Variants in STIM1 observed in about 807,000 individuals in gnomAD.
STIM1 encodes the protein stromal interaction molecule 1.
STIM1 carries 25 observed loss-of-function variants against 74.7 expected under a neutral mutation model. The observed-to-expected ratio is 0.33, with a 90% CI of 0.24 to 0.47. The LOEUF is 0.47. Among genes scored for constraint, STIM1 ranks in the 20% least tolerant of loss-of-function variants. The probability of loss-of-function intolerance (pLI) is 1.00; values close to 1 mark genes in which losing one functional copy is unlikely to be tolerated. For synonymous variants in STIM1, 328 were observed against 348.8 expected (o/e 0.94, Z 0.66); for missense variants, 728 against 920.8 (o/e 0.79, Z 2.71).
rs183879785 is a variant in STIM1 at position 3,858,697 on chromosome 11, A to T, written c.139+2288A>T. 2.1e-4 allele frequency among the ~76,000 whole-genome samples: 32 copies of T among 152,316 alleles called. No individual in the cohort carries two copies. In the East Asian group the frequency reaches 3.5e-3, roughly 17 times the overall value. On this transcript the variant is annotated intron_variant, in intron 1 of 12. Coordinates refer to ENST00000526596, the MANE Select transcript of STIM1 (RefSeq NM_001382567.1). ...CCTCTCTGTATCCCCAGAACACAGG[A>T]GGAGCTTTACTTGCTCTTAAAACTA...
At chr11:3,958,686 A>G (rs1031547104) in intron 1 of STIM1, among the ~76,000 whole-genome samples, 33 of 151,922 alleles carry the variant, frequency 2.2e-4, no homozygotes, top group African/African-American at 8.0e-4. Context: ...TCACATTTCC[A>G]TAGTCAGGCG....
intron 1 of STIM1, among the ~76,000 whole-genome samples, chr11:3,941,585 A>ATTG (rs1554959550): frequency 7.2e-6 from 1 of 139,578 alleles, no homozygotes; most frequent in Admixed American, 7.3e-5. Flanking sequence ...AAGCATATAT[A>ATTG]TGTGTGTGTG....
intron 2 of STIM1, among the ~76,000 whole-genome samples, chr11:3,983,820 A>ACTG (rs1396512751): frequency 1.3e-5 from 2 of 151,528 alleles, no homozygotes; most frequent in South Asian, 2.1e-4. Flanking sequence ...GCCTGGAGCT[A>ACTG]CTGCTGCTGC....
chr11:3,918,569 G>C (rs1380020207), intron 1 of STIM1, among the ~76,000 whole-genome samples: 1 of 146,878 alleles, frequency 6.8e-6, no homozygotes, highest in African/African-American at 2.4e-5. Flanking sequence ...AAGAAAGAAA[G>C]ATACAACATA....
At chr11:3,873,228 C>T (rs572099980) in intron 1 of STIM1, among the ~76,000 whole-genome samples, 163 of 151,994 alleles carry the variant, frequency 1.1e-3, no homozygotes, top group African/African-American at 3.8e-3. Flanking sequence ...GCAGCCTGAC[C>T]AACATGGAGA....
At chr11:3,942,079 G>C (rs1371155304) in intron 1 of STIM1, among the ~76,000 whole-genome samples, 2 of 152,166 alleles carry the variant, frequency 1.3e-5, no homozygotes, top group Non-Finnish European at 2.9e-5. Context: ...GATCACTGAT[G>C]ACTGTAAAAG....
At chr11:3,999,202 A>T (rs1010602538) in intron 2 of STIM1, among the ~76,000 whole-genome samples, 3 of 152,184 alleles carry the variant, frequency 2.0e-5, no homozygotes, top group Non-Finnish European at 4.4e-5. Context: ...AGAAAAAATT[A>T]GCCCCTGTGC....
At chr11:3,947,001 G>GT (rs1174180998) in intron 1 of STIM1, among the ~76,000 whole-genome samples, 1 of 151,608 alleles carries the variant, frequency 6.6e-6, no homozygotes, top group Non-Finnish European at 1.5e-5. Context: ...CTTCTCTTTT[G>GT]GGGGGGTCTT....
At chr11:4,058,109 G>A (rs937028362) in intron 4 of STIM1, among the ~76,000 whole-genome samples, 1 of 152,148 alleles carries the variant, frequency 6.6e-6, no homozygotes, top group African/African-American at 2.4e-5. Flanking sequence ...ATTCTCATTA[G>A]TCAGACGAAC....
chr11:3,980,070 G>A (rs1334568846), intron 2 of STIM1, among the ~76,000 whole-genome samples: 3 of 152,054 alleles, frequency 2.0e-5, no homozygotes, highest in Admixed American at 6.6e-5. Flanking sequence ...CTTGCTTTGT[G>A]CCCTAATGAT....
intron 1 of STIM1, among the ~76,000 whole-genome samples, chr11:3,920,795 T>A (rs1023628707): frequency 6.6e-6 from 1 of 151,744 alleles, no homozygotes; most frequent in Non-Finnish European, 1.5e-5. Flanking sequence ...TTTTTTTTAT[T>A]TTTTTTAATT....
At chr11:4,055,460 C>A in intron 3 of STIM1, 66 bp from the exon 4 acceptor site, 2 of 1,235,074 alleles carry the variant, frequency 1.6e-6, no homozygotes, top group Non-Finnish European at 2.3e-6. Context: ...TTAAGGTCAG[C>A]ATGACAACAA....
At chr11:3,992,005 A>G (rs1437000468) in intron 2 of STIM1, among the ~76,000 whole-genome samples, 6 of 141,578 alleles carry the variant, frequency 4.2e-5, no homozygotes, top group Admixed American at 3.5e-4. Context: ...ACTGCTTTCC[A>G]CAGTGGCTGG....
chr11:4,044,599 A>G lies in STIM1; in HGVS notation c.386-10927A>G, dbSNP rs186985930. 1.8e-4 allele frequency among the ~76,000 whole-genome samples: 27 copies of G among 152,320 alleles called. No individual in the cohort carries two copies. The East Asian group carries it at 4.8e-3, about 27-fold the overall frequency. ...GACTCCAGGTGGACACCATGCTGCC[A>G]AACCCTACCTAGATAGGGCATCTGC... is the stretch of plus-strand genomic sequence containing the variant. On this transcript the variant is annotated intron_variant, in intron 3 of 12. Transcript: ENST00000526596.
intron 3 of STIM1, chr11:4,049,447 C>T (rs529686106): frequency 6.6e-6 from 1 of 151,918 alleles, no homozygotes; most frequent in East Asian, 1.9e-4. Context: ...ACCTCAGCCT[C>T]CTGAGTAGCT....
At chr11:3,914,237 T>G (rs1431353366) in intron 1 of STIM1, among the ~76,000 whole-genome samples, 1 of 152,218 alleles carries the variant, frequency 6.6e-6, no homozygotes, top group Non-Finnish European at 1.5e-5. Context: ...TTTGTCTTTT[T>G]ACGTCTTGCT....
intron 1 of STIM1, among the ~76,000 whole-genome samples, chr11:3,967,206 A>G (rs1051070008): frequency 2.6e-5 from 4 of 152,186 alleles, no homozygotes; most frequent in Admixed American, 6.5e-5. Flanking sequence ...TTTGATTACT[A>G]ATGAGGCCAA....
chr11:3,892,531 A>G, intron 1 of STIM1: 1 of 1,594,274 alleles, frequency 6.3e-7, no homozygotes, highest in Non-Finnish European at 8.6e-7. Context: ...CCAACCACTC[A>G]GTCTTGGCAG....
intron 1 of STIM1, among the ~76,000 whole-genome samples, chr11:3,944,213 A>G (rs2093045152): frequency 6.6e-6 from 1 of 152,240 alleles, no homozygotes; most frequent in South Asian, 2.1e-4. Flanking sequence ...ATAATGTGAA[A>G]TGTTTTCCTT....
Sources: allele counts gnomAD v4.1 joint callset (sites outside exome capture counted in the v4.1 genomes callset), GRCh38; gene constraint gnomAD v4.1.1; transcripts MANE v1.5; gene names NCBI Gene and HGNC (gene_info 2026-07-23, HGNC 2026-07-21).